The following COLEC12 variants were observed in gnomAD, a reference collection of about 807,000 sequenced individuals.
COLEC12 encodes the protein collectin subfamily member 12.
A neutral mutation model predicts 71.1 loss-of-function variants in COLEC12; 33 were observed. The ratio of observed to expected loss-of-function variants is 0.46; its 90% CI spans 0.35 to 0.62. COLEC12 has a LOEUF of 0.62. COLEC12 is among the 20% of genes least tolerant of loss of function. The pLI is 0.00. For synonymous variants in COLEC12, 350 were observed against 353.0 expected (o/e 0.99, Z 0.10); for missense variants, 765 against 916.1 (o/e 0.84, Z 2.13).
intron 2 of COLEC12, among the ~76,000 whole-genome samples, chr18:444,057 C>G (rs1489949382): frequency 6.6e-6 from 1 of 152,068 alleles, no homozygotes; most frequent in Non-Finnish European, 1.5e-5. Flanking sequence ...CAACCATGAG[C>G]CAATTAAACC....
chr18:384,106 C>T (rs1431784530), intron 2 of COLEC12, among the ~76,000 whole-genome samples: 1 of 152,180 alleles, frequency 6.6e-6, no homozygotes, highest in Non-Finnish European at 1.5e-5. Flanking sequence ...GGTGGGGACA[C>T]AGACAAACCA....
chr18:334,916 C>T lies in COLEC12; in HGVS notation c.1642G>A (p.Gly548Arg). Residue 548 changes from glycine (G) to arginine (R), a missense_variant, in exon 6 of 10, where the codon GGA (glycine) becomes AGA (arginine). Transcript: ENST00000400256. ...GGCTCCCCAACGGTGCCCTGAAGTC[C>T]CTGGAAGCCAGGAGGGCCCTGAGGG... is the stretch of plus-strand genomic sequence containing the variant. ...PGPQGPPGFQ[G>R]LQGTVGEPGV... is the part of the protein sequence containing the mutation. The T allele has an allele frequency of 1.3e-6, 2 of 1,555,758 alleles. No homozygotes were observed. The highest frequency in any genetic ancestry group is 1.7e-6 in the Non-Finnish European group (2 of 1,159,408).
intron 2 of COLEC12, among the ~76,000 whole-genome samples, chr18:368,426 T>C (rs1914902377): frequency 6.6e-6 from 1 of 151,654 alleles, no homozygotes; most frequent in Non-Finnish European, 1.5e-5. Context: ...CACAAAAAAT[T>C]AGCTGAGCAT....
chr18:349,743 C>T (rs755931926), intron 3 of COLEC12, among the ~76,000 whole-genome samples: 17 of 152,282 alleles, frequency 1.1e-4, no homozygotes, highest in East Asian at 7.7e-4. Flanking sequence ...TCAGCATGAC[C>T]GGGATGTGCG....
At chr18:360,482 C>A (rs561611035) in intron 2 of COLEC12, among the ~76,000 whole-genome samples, 4 of 152,296 alleles carry the variant, frequency 2.6e-5, no homozygotes, top group South Asian at 2.1e-4. Flanking sequence ...TGAGCCACCA[C>A]GCCTGGCCAA....
chr18:398,919 G>A (rs545751911), intron 2 of COLEC12, among the ~76,000 whole-genome samples: 2 of 152,280 alleles, frequency 1.3e-5, no homozygotes, highest in Admixed American at 1.3e-4. Flanking sequence ...GATTCTAAGT[G>A]TCCATGGACT....
rs1408121635 is a variant in COLEC12 at position 399,837 on chromosome 18, G to A, written c.59-42315C>T. The stretch of plus-strand genomic sequence containing the variant: ...TGGTGAGGACTATGCTGGTGCACTT[G>A]GCAAATTTATTTTCATCTGCTTCAC... On this transcript the variant is annotated intron_variant, in intron 2 of 9. Coordinates refer to ENST00000400256, the MANE Select transcript of COLEC12 (RefSeq NM_130386.3). The surrounding 1 kb of genome is among the most constrained non-coding windows in gnomAD (Gnocchi z 4.0). Among the ~76,000 whole-genome samples, 1 of 152,136 alleles carries A rather than the reference G, an allele frequency of 6.6e-6. No homozygotes were observed. Among genetic ancestry groups the A allele is most frequent in the Admixed American group, 6.6e-5 (1 of 15,256 alleles).
intron 2 of COLEC12, among the ~76,000 whole-genome samples, chr18:417,062 ACACT>A (rs966894301): frequency 2.0e-5 from 3 of 146,566 alleles, no homozygotes; most frequent in African/African-American, 7.4e-5. Context: ...ACACACACAC[ACACT>A]CATTCATCAC....
chr18:391,793 T>C (rs1424745492), intron 2 of COLEC12, among the ~76,000 whole-genome samples: 2 of 152,208 alleles, frequency 1.3e-5, no homozygotes, highest in Non-Finnish European at 2.9e-5. Context: ...TACTTAAGTA[T>C]AGCACTCAGA....
chr18:369,871 G>A (rs1914962539), intron 2 of COLEC12, among the ~76,000 whole-genome samples: 1 of 152,138 alleles, frequency 6.6e-6, no homozygotes, highest in African/African-American at 2.4e-5. Context: ...TGGTGAATCA[G>A]CCTAGGACAG....
chr18:368,666 C>T (rs1378477991), intron 2 of COLEC12, among the ~76,000 whole-genome samples: 1 of 151,984 alleles, frequency 6.6e-6, no homozygotes. Context: ...AGATCGAGAC[C>T]AGCCTGGCTA....
At chr18:417,390 T>A (rs1916008035) in intron 2 of COLEC12, among the ~76,000 whole-genome samples, 1 of 152,226 alleles carries the variant, frequency 6.6e-6, no homozygotes. Flanking sequence ...ACATATGCAG[T>A]CTGTCATTGA....
chr18:404,708 G>A (rs575372938), intron 2 of COLEC12, among the ~76,000 whole-genome samples: 14 of 152,090 alleles, frequency 9.2e-5, no homozygotes, highest in Non-Finnish European at 2.1e-4. Flanking sequence ...ATCTTCATAA[G>A]CTGAGGATGT....
Position 334,741 on chromosome 18 carries a change from C to A in COLEC12, c.1816+1G>T. ...TGGCTGGAGGGAGGGCTTGGACTTA[C>A]CATTGTCCTCCGGTGCTGGGGTTGG... On this transcript the variant is annotated splice_donor_variant, in intron 6 of 9. Coordinates refer to ENST00000400256, the MANE Select transcript of COLEC12 (RefSeq NM_130386.3). LOFTEE classifies it high-confidence loss of function. 1 of 1,468,588 alleles carries A rather than the reference C, an allele frequency of 6.8e-7. No homozygotes were observed. The highest frequency in any genetic ancestry group is 9.0e-7 in the Non-Finnish European group (1 of 1,114,874). 91.0% of individuals were successfully genotyped at this position (1,468,588 alleles called of 1,614,324 possible).
At chr18:421,071 G>A (rs543059722) in intron 2 of COLEC12, among the ~76,000 whole-genome samples, 1 of 152,282 alleles carries the variant, frequency 6.6e-6, no homozygotes, top group Non-Finnish European at 1.5e-5. Flanking sequence ...TAAAGGCAGT[G>A]AACAAAGCCA....
intron 2 of COLEC12, among the ~76,000 whole-genome samples, chr18:476,332 T>C (rs1056349081): frequency 6.6e-5 from 10 of 152,258 alleles, no homozygotes; most frequent in Non-Finnish European, 1.0e-4. Context: ...TAATAATTCC[T>C]ATGCCTGAGC....
chr18:383,272 C>T (rs540738484), intron 2 of COLEC12, among the ~76,000 whole-genome samples: 10 of 152,034 alleles, frequency 6.6e-5, no homozygotes, highest in South Asian at 6.3e-4. Context: ...GAACATAAGA[C>T]GAGAGTAATG....
intron 3 of COLEC12, among the ~76,000 whole-genome samples, chr18:354,904 C>A (rs1190463684): frequency 6.6e-6 from 1 of 152,110 alleles, no homozygotes; most frequent in Admixed American, 6.5e-5. Context: ...GCAGGCCAAG[C>A]CAATCTCCAA....
intron 2 of COLEC12, among the ~76,000 whole-genome samples, chr18:457,983 G>A (rs1255330299): frequency 3.3e-5 from 5 of 152,194 alleles, no homozygotes; most frequent in African/African-American, 1.2e-4. Flanking sequence ...GTCTATGACT[G>A]CACAAAGATG....
Sources: allele counts gnomAD v4.1 joint callset (sites outside exome capture counted in the v4.1 genomes callset), GRCh38; gene constraint gnomAD v4.1.1; non-coding constraint Gnocchi (gnomAD v3.1); transcripts MANE v1.5; gene names NCBI Gene and HGNC (gene_info 2026-07-23, HGNC 2026-07-21).